Variants in NTN4 observed in about 807,000 individuals in gnomAD.
NTN4 encodes the protein netrin-4.
Under a neutral mutation model 73.6 loss-of-function variants are expected in NTN4, and 32 were observed. That is an observed-to-expected ratio of 0.44 (90% confidence interval 0.33 to 0.58). The LOEUF (loss-of-function observed/expected upper bound fraction) is 0.58, where lower values mean the gene tolerates loss of function less well. Ranked by LOEUF, NTN4 falls within the 20% of genes least tolerant of loss-of-function variation. The probability of loss-of-function intolerance (pLI) is 0.04; values close to 1 mark genes in which losing one functional copy is unlikely to be tolerated. For missense variants in NTN4, 654 were observed against 798.3 expected, an observed-to-expected ratio of 0.82 and a Z score of 2.18; for synonymous variants, 258 against 287.5, an observed-to-expected ratio of 0.90 and a Z score of 1.04.
intron 7 of NTN4, among the ~76,000 whole-genome samples, chr12:95,678,752 A>G (rs1415075835): frequency 6.6e-6 from 1 of 152,044 alleles, no homozygotes; most frequent in Non-Finnish European, 1.5e-5. Flanking sequence ...AAGTTCAGCA[A>G]AGTCGCTGGA....
intron 5 of NTN4, among the ~76,000 whole-genome samples, chr12:95,687,766 T>A (rs1354227729): frequency 6.6e-6 from 1 of 152,184 alleles, no homozygotes; most frequent in Non-Finnish European, 1.5e-5. Context: ...AGAGTCTGAA[T>A]TCATTGACAG....
intron 7 of NTN4, among the ~76,000 whole-genome samples, chr12:95,671,601 C>G: frequency 6.6e-6 from 1 of 152,186 alleles, no homozygotes; most frequent in Admixed American, 6.5e-5. Context: ...TGAGGTGGAA[C>G]AGCTTCATCC....
Position 95,755,910 on chromosome 12 carries a change from A to C in NTN4, c.586-17766T>G, listed in dbSNP as rs193056798. Among the ~76,000 whole-genome samples the C allele has an allele frequency of 8.5e-5, 13 of 152,370 alleles. No homozygotes were observed. The East Asian group carries it at 2.3e-3, about 27-fold the overall frequency. ...CTGGGGCTAAAAATAAATTTTAAAA[A>C]TTCTTCAATACATGTGGAATCCTAG... On this transcript the variant is annotated intron_variant, in intron 2 of 9. Transcript: ENST00000343702.
intron 5 of NTN4, among the ~76,000 whole-genome samples, chr12:95,687,167 A>G (rs544098034): frequency 0.011 from 875 of 76,426 alleles, 6 homozygotes; most frequent in African/African-American, 0.046. Context: ...TGTCCCTATC[A>G]CAGTGCATCA....
chr12:95,761,175 C>T (rs2078984245), intron 2 of NTN4, among the ~76,000 whole-genome samples: 1 of 152,114 alleles, frequency 6.6e-6, no homozygotes, highest in African/African-American at 2.4e-5. Context: ...TCATTTTGGT[C>T]CTGCTGTCAT....
intron 2 of NTN4, among the ~76,000 whole-genome samples, chr12:95,751,724 A>G (rs549993210): frequency 5.3e-5 from 8 of 151,996 alleles, no homozygotes; most frequent in African/African-American, 1.9e-4. Context: ...TCACAGTGGA[A>G]GGTAAGGCCG....
Position 95,787,189 on chromosome 12 carries a change from A to C in NTN4, c.335T>G (p.Val112Gly). Residue 112 changes from valine to glycine, a missense_variant, in exon 2 of 10, where the codon GTG (valine) becomes GGG (glycine). Transcript: ENST00000343702. ...GTCTAACTGGATCTTTTCTCTGTGC[A>C]CATCCTCCGCAGACTGCCACCATGT... The part of the protein sequence containing the change: ...PRTWWQSAED[V>G]HREKIQLDLE... The C allele has an allele frequency of 1.2e-6, 2 of 1,614,224 alleles. No individual in the cohort carries two copies. The highest frequency in any genetic ancestry group is 1.7e-6 in the Non-Finnish European group (2 of 1,180,046).
chr12:95,658,784 T>C lies in NTN4; in HGVS notation c.*302A>G, dbSNP rs1313704509. ...TGGAAGGCGTCCTTGTTAGAGGTAC[T>C]GCCCTTAATGGATTACTGCTAAATG... On this transcript the variant is annotated 3_prime_UTR_variant, in exon 10 of 10. Transcript: ENST00000343702. The C allele has an allele frequency of 5.1e-6, 1 of 197,766 alleles. No individual in the cohort carries two copies. The highest frequency in any genetic ancestry group is 2.3e-5 in the African/African-American group (1 of 43,290). 12.3% of individuals were successfully genotyped at this position (197,766 alleles called of 1,614,324 possible). A position where few individuals can be genotyped will look rare whatever the true frequency, so the allele number is the denominator to read the frequency against.
intron 5 of NTN4, among the ~76,000 whole-genome samples, chr12:95,699,081 G>A (rs2078463691): frequency 1.4e-5 from 2 of 148,146 alleles, no homozygotes; most frequent in African/African-American, 5.0e-5. Flanking sequence ...CCAAGTTACT[G>A]TTCTATTTAA....
At chr12:95,729,108 A>T (rs1157624521) in intron 3 of NTN4, among the ~76,000 whole-genome samples, 1 of 152,320 alleles carries the variant, frequency 6.6e-6, no homozygotes, top group East Asian at 1.9e-4. Flanking sequence ...ATTTCTTTAC[A>T]GCAGTGCAAG....
chr12:95,748,471 CTTTTCT>C (rs1435638953), intron 2 of NTN4, among the ~76,000 whole-genome samples: 4 of 123,456 alleles, frequency 3.2e-5, no homozygotes, highest in South Asian at 5.3e-4. Context: ...AACCTATTTT[CTTTTCT>C]TTTTTTTTTT....
intron 2 of NTN4, among the ~76,000 whole-genome samples, chr12:95,759,564 G>A (rs60829091): frequency 0.096 from 14,320 of 148,960 alleles, 1,723 homozygotes; most frequent in African/African-American, 0.29. Flanking sequence ...GGGTTCAAGT[G>A]ATTCTCCTGC....
intron 3 of NTN4, among the ~76,000 whole-genome samples, chr12:95,736,395 T>C (rs1009963465): frequency 3.0e-4 from 46 of 152,266 alleles, no homozygotes; most frequent in African/African-American, 1.1e-3. Context: ...AGGACTCTAC[T>C]CTGAGGTGGT....
intron 8 of NTN4, among the ~76,000 whole-genome samples, chr12:95,667,774 T>C (rs1435110241): frequency 6.6e-6 from 1 of 151,798 alleles, no homozygotes; most frequent in Non-Finnish European, 1.5e-5. Flanking sequence ...CCAGGAGAAA[T>C]GCTTGAAACT....
chr12:95,669,124 C>T (rs1025008613), intron 8 of NTN4, among the ~76,000 whole-genome samples: 1 of 151,442 alleles, frequency 6.6e-6, no homozygotes, highest in Non-Finnish European at 1.5e-5. Context: ...ATGAGAATCG[C>T]TTGAACCCAG....
chr12:95,677,967 A>G (rs1000841084), intron 7 of NTN4, among the ~76,000 whole-genome samples: 5 of 152,256 alleles, frequency 3.3e-5, no homozygotes, highest in Admixed American at 2.0e-4. Flanking sequence ...CTGGATAAAG[A>G]AAATGTGACA....
chr12:95,737,842 T>C (rs2078789950), intron 3 of NTN4, 24 bp downstream of exon 3: 2 of 1,594,160 alleles, frequency 1.3e-6, no homozygotes, highest in Non-Finnish European at 1.7e-6. Flanking sequence ...TTGTTTTTCT[T>C]AGGGGAGGAC....
chr12:95,783,372 A>G (rs932450945), intron 2 of NTN4, among the ~76,000 whole-genome samples: 6 of 152,258 alleles, frequency 3.9e-5, no homozygotes, highest in Non-Finnish European at 8.8e-5. Context: ...TCAATTTGTT[A>G]AACCAAGTCA....
chr12:95,767,670 G>A (rs1374238618), intron 2 of NTN4, among the ~76,000 whole-genome samples: 1 of 152,118 alleles, frequency 6.6e-6, no homozygotes, highest in Non-Finnish European at 1.5e-5. Flanking sequence ...AGCCCAGCTG[G>A]GAGCATAAGG....
Sources: allele counts gnomAD v4.1 joint callset (sites outside exome capture counted in the v4.1 genomes callset), GRCh38; gene constraint gnomAD v4.1.1; transcripts MANE v1.5; gene names NCBI Gene and HGNC (gene_info 2026-07-23, HGNC 2026-07-21).